Variants in CCDC63 observed in about 807,000 individuals in gnomAD.
CCDC63 encodes coiled-coil domain containing 63.
In CCDC63, 54 loss-of-function variants were observed where a neutral mutation model predicts 63.6. The ratio of observed to expected loss-of-function variants is 0.85; its 90% CI spans 0.68 to 1.07. The LOEUF (loss-of-function observed/expected upper bound fraction) is 1.07. Among genes scored for constraint, CCDC63 ranks in the 50% least tolerant of loss-of-function variants. The pLI is 0.00. For missense variants in CCDC63, 637 were observed against 689.6 expected, an observed-to-expected ratio of 0.92 and a Z score of 0.86; for synonymous variants, 253 against 266.1, an observed-to-expected ratio of 0.95 and a Z score of 0.48.
chr12:110,866,695 T>C (rs372654290), intron 4 of CCDC63, among the ~76,000 whole-genome samples: 1,595 of 147,866 alleles, frequency 0.011, no homozygotes, highest in Non-Finnish European at 0.017. Flanking sequence ...CAGAACAAAA[T>C]GAAAAGTCTC....
At chr12:110,861,864 C>A (rs1388924873) in intron 4 of CCDC63, among the ~76,000 whole-genome samples, 2 of 151,898 alleles carry the variant, frequency 1.3e-5, no homozygotes, top group Admixed American at 1.3e-4. Context: ...AGCCACTGTG[C>A]CCGGCCTCAA....
chr12:110,901,425 G>A (rs746956385), intron 10 of CCDC63, among the ~76,000 whole-genome samples: 2 of 151,230 alleles, frequency 1.3e-5, no homozygotes, highest in Non-Finnish European at 2.9e-5. Flanking sequence ...ATGGGGTCTC[G>A]CCATGTTGCC....
chr12:110,867,548 C>T (rs528957076), intron 4 of CCDC63, among the ~76,000 whole-genome samples: 5 of 133,798 alleles, frequency 3.7e-5, no homozygotes, highest in Admixed American at 1.4e-4. Flanking sequence ...ACCTCCCTCC[C>T]GGACGGGGCG....
chr12:110,902,210 C>T (rs949236405), intron 10 of CCDC63, among the ~76,000 whole-genome samples: 2 of 152,168 alleles, frequency 1.3e-5, no homozygotes, highest in Non-Finnish European at 1.5e-5. Flanking sequence ...TCCAGGTTCC[C>T]GGATGCCAGC....
At position 110,863,168 on chromosome 12, in the gene CCDC63, G is replaced by C. The variant is rs60952323; in HGVS notation, c.369+4393G>C. 2.6e-5 allele frequency among the ~76,000 whole-genome samples: 4 copies of C among 151,648 alleles called. No individual in the cohort carries two copies. In the East Asian group the frequency reaches 7.7e-4, roughly 29 times the overall value. ...TGCACTGGGGGCGCTGCCTGTGCAC[G>C]GAACAGAAGGGACACCAAAGTAGAG... On this transcript the variant is annotated intron_variant, in intron 4 of 11. Transcript: ENST00000308208.
intron 10 of CCDC63, among the ~76,000 whole-genome samples, chr12:110,904,043 G>A (rs534482353): frequency 3.1e-4 from 47 of 152,184 alleles, no homozygotes; most frequent in Admixed American, 2.7e-3. Flanking sequence ...TGTCCTGTGC[G>A]TATCTGTGTT....
At chr12:110,891,373 A>G (rs1042046137) in intron 8 of CCDC63, among the ~76,000 whole-genome samples, 1 of 152,138 alleles carries the variant, frequency 6.6e-6, no homozygotes, top group Non-Finnish European at 1.5e-5. Flanking sequence ...ATTCCTGTCC[A>G]GGCACAGTGG....
At position 110,858,645 on chromosome 12, in the gene CCDC63, T is replaced by G; in HGVS notation, c.239T>G (p.Met80Arg). ...QDEITLLLSL[M>R]KSSRNMNRSE... The stretch of plus-strand genomic sequence containing the variant: ...GAGATCACCCTACTGTTGAGTCTCA[T>G]GAAATCCTCGAGGAACATGAATCGG... The change falls in exon 4 of 12, where the codon ATG (methionine) becomes AGG (arginine). Residue 80 changes from methionine (M) to arginine (R), a missense_variant. Met to Arg is a moderately conservative substitution (Grantham distance 91, BLOSUM62 -1). Transcript: ENST00000308208. 1 of 1,614,066 alleles carries G rather than the reference T, an allele frequency of 6.2e-7. No individual in the cohort carries two copies. Among genetic ancestry groups the G allele is most frequent in the Non-Finnish European group, 8.5e-7 (1 of 1,180,010 alleles).
intron 8 of CCDC63, among the ~76,000 whole-genome samples, chr12:110,884,523 G>A (rs1228220168): frequency 2.0e-5 from 3 of 152,056 alleles, no homozygotes; most frequent in African/African-American, 7.2e-5. Context: ...TGGACTACAG[G>A]TGTGCACCAC....
intron 3 of CCDC63, among the ~76,000 whole-genome samples, chr12:110,857,782 A>G (rs1214793254): frequency 1.3e-5 from 2 of 152,118 alleles, no homozygotes; most frequent in Non-Finnish European, 1.5e-5. Flanking sequence ...CTTAGAGGCT[A>G]TTATGCATCC....
intron 10 of CCDC63, among the ~76,000 whole-genome samples, chr12:110,900,875 G>C (rs927560270): frequency 6.6e-6 from 1 of 152,212 alleles, no homozygotes; most frequent in Non-Finnish European, 1.5e-5. Context: ...TGGGATTACA[G>C]GCGTGAGCCA....
At chr12:110,896,535 C>A (rs1257558522) in intron 9 of CCDC63, among the ~76,000 whole-genome samples, 1 of 152,048 alleles carries the variant, frequency 6.6e-6, no homozygotes, top group East Asian at 1.9e-4. Context: ...CGGGATGGTG[C>A]GTGCAGAGTT....
Position 110,870,016 on chromosome 12 carries a change from G to A in CCDC63, c.370-3826G>A, listed in dbSNP as rs181053443. 1.3e-3 allele frequency among the ~76,000 whole-genome samples: 203 copies of A among 152,190 alleles called. 1 individual carries two copies. The highest frequency in any genetic ancestry group is 4.4e-3 in the African/African-American group (181 of 41,502). ...CCCAATGTAAACATTGTACATTACC[G>A]TGGGACATTTGTCAAAACTAAGCAA... On this transcript the variant is annotated intron_variant, in intron 4 of 11. Coordinates refer to ENST00000308208, the MANE Select transcript of CCDC63 (RefSeq NM_152591.3).
chr12:110,879,821 A>G, intron 5 of CCDC63, 85 bp from the exon 6 acceptor site: 1 of 1,348,200 alleles, frequency 7.4e-7, no homozygotes. Context: ...TGGGGCAAAG[A>G]CCTGACAGCC....
At chr12:110,877,707 T>C (rs913476799) in intron 5 of CCDC63, among the ~76,000 whole-genome samples, 63 of 97,184 alleles carry the variant, frequency 6.5e-4, no homozygotes, top group African/African-American at 2.6e-3. Context: ...TTTCTTTCTT[T>C]CTTTTTTTTT....
chr12:110,862,394 C>T (rs2070867031), intron 4 of CCDC63, among the ~76,000 whole-genome samples: 1 of 152,234 alleles, frequency 6.6e-6, no homozygotes, highest in East Asian at 1.9e-4. Context: ...CCTACCTGGC[C>T]TTCCTCGCAA....
chr12:110,903,491 C>T (rs1448818982), intron 10 of CCDC63, among the ~76,000 whole-genome samples: 1 of 152,190 alleles, frequency 6.6e-6, no homozygotes, highest in Non-Finnish European at 1.5e-5. Flanking sequence ...TGCCTCCATA[C>T]ATACTGAAGC....
chr12:110,907,358 T>G lies in CCDC63; in HGVS notation c.1574T>G (p.Leu525Arg). 1 of 1,613,960 alleles carries G rather than the reference T, an allele frequency of 6.2e-7. No homozygotes were observed. Among genetic ancestry groups the G allele is most frequent in the South Asian group, 1.1e-5 (1 of 91,064 alleles). ...GAACAGCCCCTGGACCACAGCAGCCTTCGGCAGCTGGTTCTCGACAATTAT... is the reference window on the plus strand; with the variant it reads ...GAACAGCCCCTGGACCACAGCAGCCGTCGGCAGCTGGTTCTCGACAATTAT... ...DVEQPLDHSSLRQLVLDNYIL... is the reference protein window; with the variant it reads ...DVEQPLDHSSRRQLVLDNYIL... The change falls in exon 12 of 12, where the codon CTT (leucine) becomes CGT (arginine). Residue 525 changes from leucine (L) to arginine (R), a missense_variant. Coordinates refer to ENST00000308208, the MANE Select transcript of CCDC63 (RefSeq NM_152591.3). The surrounding 1 kb of genome is among the most constrained non-coding windows in gnomAD (Gnocchi z 4.4).
At chr12:110,847,480 G>T (rs1362036796) in intron 1 of CCDC63, among the ~76,000 whole-genome samples, 1 of 151,806 alleles carries the variant, frequency 6.6e-6, no homozygotes, top group Non-Finnish European at 1.5e-5. Context: ...CTTAAGCCCG[G>T]GAAGGTTGAG....
Sources: gnomAD v4.1 joint callset for allele counts (sites outside exome capture counted in the v4.1 genomes callset) on GRCh38, gnomAD v4.1.1 for gene constraint, Gnocchi (gnomAD v3.1) non-coding constraint, MANE v1.5 for transcripts, NCBI Gene and HGNC (gene_info 2026-07-23, HGNC 2026-07-21) for gene names.